The following CCDC170 variants were observed in gnomAD, a reference collection of about 807,000 sequenced individuals.
The protein encoded by CCDC170 is coiled-coil domain-containing protein 170.
A neutral mutation model predicts 72.6 loss-of-function variants in CCDC170; 69 were observed. That is an observed-to-expected ratio of 0.95 (90% CI 0.78 to 1.16). CCDC170 has a LOEUF of 1.16. Ranked by LOEUF, CCDC170 falls within the 50% of genes most tolerant of loss-of-function variation. The pLI is 0.00. For missense variants in CCDC170, 852 were observed against 832.5 expected, an observed-to-expected ratio of 1.02 and a Z score of -0.29; for synonymous variants, 300 against 303.9, an observed-to-expected ratio of 0.99 and a Z score of 0.13.
intron 9 of CCDC170, among the ~76,000 whole-genome samples, chr6:151,602,364 C>A (rs1356618530): frequency 2.0e-5 from 3 of 151,952 alleles, no homozygotes; most frequent in Admixed American, 6.6e-5. Context: ...TATTATGTTT[C>A]TTAATATTAT....
chr6:151,586,729 A>G (rs1158720728), intron 7 of CCDC170, among the ~76,000 whole-genome samples: 1 of 152,078 alleles, frequency 6.6e-6, no homozygotes, highest in Non-Finnish European at 1.5e-5. Context: ...TCTGTAGAAT[A>G]TGAAGTGTGG....
At chr6:151,587,577 T>C (rs539500054) in intron 7 of CCDC170, among the ~76,000 whole-genome samples, 2 of 152,310 alleles carry the variant, frequency 1.3e-5, no homozygotes, top group South Asian at 2.1e-4. Context: ...AAGTAACATA[T>C]TCCTTTTCAT....
intron 9 of CCDC170, among the ~76,000 whole-genome samples, chr6:151,612,165 A>G (rs928343033): frequency 6.6e-6 from 1 of 152,216 alleles, no homozygotes; most frequent in Non-Finnish European, 1.5e-5. Flanking sequence ...TCCTAATCTT[A>G]GAACAGTTGC....
chr6:151,562,394 C>G (rs1007895528), intron 5 of CCDC170, among the ~76,000 whole-genome samples: 1 of 151,930 alleles, frequency 6.6e-6, no homozygotes, highest in East Asian at 1.9e-4. Context: ...TTTTTAAATT[C>G]TTTTTTTCTC....
chr6:151,565,392 A>G (rs527718026), intron 5 of CCDC170, among the ~76,000 whole-genome samples: 1 of 152,256 alleles, frequency 6.6e-6, no homozygotes, highest in South Asian at 2.1e-4. Flanking sequence ...GGTGGCTGGG[A>G]CTGGAGGAAT....
At chr6:151,572,486 T>C (rs1430462555) in intron 5 of CCDC170, among the ~76,000 whole-genome samples, 3 of 152,176 alleles carry the variant, frequency 2.0e-5, no homozygotes, top group Non-Finnish European at 2.9e-5. Flanking sequence ...TTGAGAAAGA[T>C]AGTTCTATAA....
chr6:151,617,938 A>C lies in CCDC170; in HGVS notation c.1948-9A>C. ...CTCCCAGTTAATGAGTTTCTGTTTG[A>C]TATTGCAGCTGGCAGACTTCAGGGA... On this transcript the variant is annotated splice_polypyrimidine_tract_variant and intron_variant, in intron 10 of 10. Coordinates refer to ENST00000239374, the MANE Select transcript of CCDC170 (RefSeq NM_025059.4). The C allele has an allele frequency of 6.2e-7, 1 of 1,610,534 alleles. No homozygotes were observed. The highest frequency in any genetic ancestry group is 8.5e-7 in the Non-Finnish European group (1 of 1,177,438).
At chr6:151,596,705 A>G in intron 9 of CCDC170, 128 bp downstream of exon 9, 1 of 1,367,514 alleles carries the variant, frequency 7.3e-7, no homozygotes, top group African/African-American at 1.5e-5. Flanking sequence ...ATTTTCTAGA[A>G]TTATGGGAAA....
At position 151,595,922 on chromosome 6, in the gene CCDC170, T is replaced by C. The variant is rs140290345; in HGVS notation, c.1468-413T>C. ...CTAGGTTTACAGTACTCACTTGCAT[T>C]GTATCTTATTTCAGAAAATGCCAGT... On this transcript the variant is annotated intron_variant, in intron 8 of 10. Coordinates refer to ENST00000239374, the MANE Select transcript of CCDC170 (RefSeq NM_025059.4). 2.7e-3 allele frequency among the ~76,000 whole-genome samples: 414 copies of C among 152,310 alleles called. 5 individuals are homozygous for C. Among genetic ancestry groups the C allele is most frequent in the African/African-American group, 9.2e-3 (381 of 41,576 alleles).
chr6:151,599,906 G>A (rs1226772220), intron 9 of CCDC170, among the ~76,000 whole-genome samples: 2 of 152,218 alleles, frequency 1.3e-5, no homozygotes, highest in Admixed American at 6.5e-5. Context: ...AGTTAGGAAA[G>A]TAAATAAAGT....
intron 6 of CCDC170, among the ~76,000 whole-genome samples, chr6:151,582,333 C>G (rs1037659568): frequency 6.6e-6 from 1 of 152,208 alleles, no homozygotes; most frequent in Admixed American, 6.5e-5. Flanking sequence ...GAGATGGCTT[C>G]TTTCCTTAAA....
chr6:151,583,525 T>C (rs1243962446), intron 6 of CCDC170, among the ~76,000 whole-genome samples: 2 of 152,096 alleles, frequency 1.3e-5, no homozygotes, highest in East Asian at 1.9e-4. Flanking sequence ...TGGCGTGATG[T>C]TGGCTCACTA....
At chr6:151,579,385 G>A (rs1776349827) in intron 6 of CCDC170, among the ~76,000 whole-genome samples, 1 of 152,186 alleles carries the variant, frequency 6.6e-6, no homozygotes, top group Non-Finnish European at 1.5e-5. Flanking sequence ...ACTTAGTGGT[G>A]TCATGTGCAC....
chr6:151,528,925 T>C (rs909811021), intron 1 of CCDC170, among the ~76,000 whole-genome samples: 5 of 152,132 alleles, frequency 3.3e-5, no homozygotes, highest in Non-Finnish European at 7.3e-5. Flanking sequence ...TTAACACTTA[T>C]TCCCAGTGTT....
chr6:151,520,830 C>G (rs766410953), intron 1 of CCDC170, among the ~76,000 whole-genome samples: 1 of 152,156 alleles, frequency 6.6e-6, no homozygotes, highest in Non-Finnish European at 1.5e-5. Context: ...AGTCAACATT[C>G]CTGGTTCACT....
chr6:151,608,537 A>G (rs1296260344), intron 9 of CCDC170, among the ~76,000 whole-genome samples: 1 of 152,116 alleles, frequency 6.6e-6, no homozygotes, highest in Non-Finnish European at 1.5e-5. Context: ...CTGGGAGGGT[A>G]CCGTTGTGTA....
chr6:151,528,753 G>A (rs1041695531), intron 1 of CCDC170, among the ~76,000 whole-genome samples: 8 of 151,784 alleles, frequency 5.3e-5, no homozygotes, highest in South Asian at 2.1e-4. Context: ...CAGGAGAATC[G>A]CTTGAATACA....
intron 6 of CCDC170, among the ~76,000 whole-genome samples, chr6:151,577,116 A>G (rs1776312969): frequency 6.6e-6 from 1 of 152,054 alleles, no homozygotes; most frequent in African/African-American, 2.4e-5. Context: ...AAGCTTTACT[A>G]TATCTTAGAG....
chr6:151,519,203 C>T (rs990314052), intron 1 of CCDC170, among the ~76,000 whole-genome samples: 7 of 152,208 alleles, frequency 4.6e-5, no homozygotes, highest in South Asian at 2.1e-4. Flanking sequence ...ACTCCCAGAG[C>T]GGCCATTTAT....
Sources: allele counts gnomAD v4.1 joint callset (sites outside exome capture counted in the v4.1 genomes callset), GRCh38; gene constraint gnomAD v4.1.1; transcripts MANE v1.5; gene names NCBI Gene and HGNC (gene_info 2026-07-23, HGNC 2026-07-21).